Variants in FOXRED1 observed in about 807,000 individuals in gnomAD.
FOXRED1 encodes FAD dependent oxidoreductase domain containing 1.
A neutral mutation model predicts 57.8 loss-of-function variants in FOXRED1; 52 were observed. The ratio of observed to expected loss-of-function variants is 0.90; its 90% CI spans 0.72 to 1.13. FOXRED1 has a LOEUF of 1.13. FOXRED1 is among the 50% of genes most tolerant of loss of function. The pLI, the probability that FOXRED1 is intolerant of heterozygous loss-of-function variation, is 0.00. For missense variants in FOXRED1, 589 were observed against 625.2 expected (o/e 0.94, Z 0.62); for synonymous variants, 271 against 248.3 (o/e 1.09, Z -0.86).
Position 126,274,927 on chromosome 11 carries a change from G to T in FOXRED1, c.537G>T (p.Arg179Ser). 6.3e-7 allele frequency: 1 copy of T among 1,597,854 alleles called. No homozygotes were observed. Residue 179 changes from arginine to serine, a missense_variant and splice_region_variant, in exon 5 of 11, where the codon AGG becomes AGT. Coordinates refer to ENST00000263578, the MANE Select transcript of FOXRED1 (RefSeq NM_017547.4). This position sits in a 1 kb window ranked among gnomAD's most constrained non-coding sequence, Gnocchi z 4.8. ...AAMESNVKVQ[R>S]QEGAKVSLMS... ...ACACCGACCCACACGTTTATCTCAG[G>T]CAGGAGGGAGCCAAAGTTTCTCTGA...
chr11:126,274,642 A>G lies in FOXRED1; in HGVS notation c.537-285A>G, dbSNP rs1030930395. Reference sequence around the variant, plus strand: ...CAGCCTGGGTGACAGAGCCAGACTCATTGAAAAAAAAAAAAAGAAGTCATG... The same window carrying G: ...CAGCCTGGGTGACAGAGCCAGACTCGTTGAAAAAAAAAAAAAGAAGTCATG... On this transcript the variant is annotated intron_variant, in intron 4 of 10. Transcript: ENST00000263578. This position sits in a 1 kb window ranked among gnomAD's most constrained non-coding sequence, Gnocchi z 4.8. The G allele has an allele frequency of 7.4e-6, 3 of 403,950 alleles. No individual in the cohort carries two copies. Among genetic ancestry groups the G allele is most frequent in the Non-Finnish European group, 1.4e-5 (3 of 214,054 alleles). The allele number at this position is 403,950 out of a possible 1,614,324, so 25.0% of individuals were successfully genotyped here.
chr11:126,269,393 AGTG>A, intron 1 of FOXRED1, 102 bp downstream of exon 1: 1 of 1,601,990 alleles, frequency 6.2e-7, no homozygotes. Context: ...CTGGCAGGAC[AGTG>A]GGTCGGCTTG....
Position 126,277,838 on chromosome 11 carries a change from G to A in FOXRED1, c.*149G>A. The A allele has an allele frequency of 1.2e-6, 1 of 852,642 alleles. No homozygotes were observed. The highest frequency in any genetic ancestry group is 2.5e-5 in the East Asian group (1 of 39,894). The allele number at this position is 852,642 out of a possible 1,614,324, so 52.8% of individuals were successfully genotyped here. On this transcript the variant is annotated 3_prime_UTR_variant, in exon 11 of 11. Transcript: ENST00000263578. This position sits in a 1 kb window ranked among gnomAD's most constrained non-coding sequence, Gnocchi z 6.8. ...TCAGGCAGGCCATTGCACCCATATG[G>A]CTGGGCAGGCACAGGCAGTGAGGCC...
chr11:126,272,906 GCAGTATTCTAGTCA>G lies in FOXRED1; in HGVS notation c.307-60_307-47del. ...AGGTGTATAGCTCGAAGCTTTCATTGCAGTATTCTAGTCACATGTGATAGGGTACTGGTCTACCT... is the reference window on the plus strand; with the variant it reads ...AGGTGTATAGCTCGAAGCTTTCATTGCATGTGATAGGGTACTGGTCTACCT... On this transcript the variant is annotated intron_variant, in intron 2 of 10. Coordinates refer to ENST00000263578, the MANE Select transcript of FOXRED1 (RefSeq NM_017547.4). This position sits in a 1 kb window ranked among gnomAD's most constrained non-coding sequence, Gnocchi z 4.6. The G allele has an allele frequency of 1.2e-6, 1 of 844,876 alleles. No homozygotes were observed. Among genetic ancestry groups the G allele is most frequent in the Non-Finnish European group, 2.1e-6 (1 of 477,196 alleles). The allele number at this position is 844,876 out of a possible 1,614,324, so 52.3% of individuals were successfully genotyped here.
In FOXRED1 at chr11:126,271,763, C is replaced by A; in HGVS notation, c.306+106C>A. On this transcript the variant is annotated intron_variant, in intron 2 of 10. Coordinates refer to ENST00000263578, the MANE Select transcript of FOXRED1 (RefSeq NM_017547.4). This position sits in a 1 kb window ranked among gnomAD's most constrained non-coding sequence, Gnocchi z 5.3. ...GGAGAGGAGGGGAAGACCTCAATCT[C>A]GGAGGGTCCAACGGACAGAGATTGT... 1 of 922,468 alleles carries A rather than the reference C, an allele frequency of 1.1e-6. No individual in the cohort carries two copies. The highest frequency in any genetic ancestry group is 1.7e-6 in the Non-Finnish European group (1 of 575,338). The allele number at this position is 922,468 out of a possible 1,614,324, so 57.1% of individuals were successfully genotyped here. A position where few individuals can be genotyped will look rare whatever the true frequency, so the allele number is the denominator to read the frequency against.
rs748256274 is a variant in FOXRED1 at position 126,275,494 on chromosome 11, T to G, written c.733+66T>G. ...CCTAGACTAGGTCTTATCTTCTCACTCACAAGCTAAGCAAGGGCTGGAGGG... is the reference window on the plus strand; with the variant it reads ...CCTAGACTAGGTCTTATCTTCTCACGCACAAGCTAAGCAAGGGCTGGAGGG... On this transcript the variant is annotated intron_variant, in intron 6 of 10. Transcript: ENST00000263578. The surrounding 1 kb of genome is among the most constrained non-coding windows in gnomAD (Gnocchi z 5.9). 1 of 1,189,614 alleles carries G rather than the reference T, an allele frequency of 8.4e-7. No individual in the cohort carries two copies. The highest frequency in any genetic ancestry group is 1.3e-6 in the Non-Finnish European group (1 of 793,564). 73.7% of individuals were successfully genotyped at this position (1,189,614 alleles called of 1,614,324 possible). A position where few individuals can be genotyped will look rare whatever the true frequency, so the allele number is the denominator to read the frequency against.
In FOXRED1 at chr11:126,271,496, T is replaced by G; in HGVS notation, c.145T>G (p.Ser49Ala). ...GATCAAGTCGATCCTGCCTGGAAGG[T>G]CCTGTGATCTACTGCAAGACACCAG... ...KKIKSILPGR[S>A]CDLLQDTSHL... The change falls in exon 2 of 11, where the codon TCC becomes GCC. Residue 49 changes from serine to alanine, a missense_variant. Transcript: ENST00000263578. The surrounding 1 kb of genome is among the most constrained non-coding windows in gnomAD (Gnocchi z 5.3). 1 of 1,614,144 alleles carries G rather than the reference T, an allele frequency of 6.2e-7. No individual in the cohort carries two copies. Among genetic ancestry groups the G allele is most frequent in the Non-Finnish European group, 8.5e-7 (1 of 1,179,986 alleles).
rs58199526 is a variant in FOXRED1, at chr11:126,269,986, C to CAA, written c.85+717_85+718dup. Among the ~76,000 whole-genome samples, 548 of 70,388 alleles carry CAA rather than the reference C, an allele frequency of 7.8e-3. 9 individuals are homozygous for CAA. Among genetic ancestry groups the CAA allele is most frequent in the East Asian group, 0.015 (36 of 2,480 alleles). 46.2% of individuals were successfully genotyped at this position (70,388 alleles called of 152,430 possible). A position where few individuals can be genotyped will look rare whatever the true frequency, so the allele number is the denominator to read the frequency against. Reference sequence around the variant, plus strand: ...TGGGCGACTTAGCGAAACTCCGTCTCAAAAAAAAAAAAAAAAAAAAAAAGA... The same window carrying CAA: ...TGGGCGACTTAGCGAAACTCCGTCTCAAAAAAAAAAAAAAAAAAAAAAAAAGA... On this transcript the variant is annotated intron_variant, in intron 1 of 10. Transcript: ENST00000263578.
Position 126,271,506 on chromosome 11 carries a change from T to C in FOXRED1, c.155T>C (p.Leu52Pro), listed in dbSNP as rs1950984834. 1.9e-6 allele frequency: 3 copies of C among 1,614,122 alleles called. No individual in the cohort carries two copies. The highest frequency in any genetic ancestry group is 1.7e-5 in the Admixed American group (1 of 60,002). ...ATCCTGCCTGGAAGGTCCTGTGATC[T>C]ACTGCAAGACACCAGCCACCTGCCT... is the stretch of plus-strand genomic sequence containing the variant. ...KSILPGRSCD[L>P]LQDTSHLPPE... Residue 52 changes from leucine (L) to proline (P), a missense_variant, in exon 2 of 11, where the codon CTA becomes CCA. Transcript: ENST00000263578. The surrounding 1 kb of genome is among the most constrained non-coding windows in gnomAD (Gnocchi z 5.3).
Position 126,277,224 on chromosome 11 carries a change from G to A in FOXRED1, c.1206+49G>A. 3 of 1,306,760 alleles carry A rather than the reference G, an allele frequency of 2.3e-6. No individual in the cohort carries two copies. The highest frequency in any genetic ancestry group is 3.3e-6 in the Non-Finnish European group (3 of 901,050). 80.9% of individuals were successfully genotyped at this position (1,306,760 alleles called of 1,614,324 possible). A position where few individuals can be genotyped will look rare whatever the true frequency, so the allele number is the denominator to read the frequency against. On this transcript the variant is annotated intron_variant, in intron 10 of 10. Coordinates refer to ENST00000263578, the MANE Select transcript of FOXRED1 (RefSeq NM_017547.4). The surrounding 1 kb of genome is among the most constrained non-coding windows in gnomAD (Gnocchi z 6.8). ...CTTTTTATTTTTGGACATTGGATGGGACAGATGACAGTGGAGCACATTGGT... is the reference window on the plus strand; with the variant it reads ...CTTTTTATTTTTGGACATTGGATGGAACAGATGACAGTGGAGCACATTGGT...
chr11:126,277,472 C>A lies in FOXRED1; in HGVS notation c.1244C>A (p.Thr415Asn). The change falls in exon 11 of 11, where the codon ACC (threonine) becomes AAC (asparagine). Residue 415 changes from threonine (T) to asparagine (N), a missense_variant. Thr to Asn is a moderately conservative substitution (Grantham distance 65). Transcript: ENST00000263578. This position sits in a 1 kb window ranked among gnomAD's most constrained non-coding sequence, Gnocchi z 6.8. ...SAWAGYYDYN[T>N]FDQNGVVGPH... ...TGGGCCGGCTATTACGACTACAACA[C>A]CTTTGACCAGAATGGCGTGGTGGGC... 2 of 1,613,484 alleles carry A rather than the reference C, an allele frequency of 1.2e-6. No homozygotes were observed. Among genetic ancestry groups the A allele is most frequent in the Non-Finnish European group, 1.7e-6 (2 of 1,180,022 alleles).
At position 126,275,067 on chromosome 11, in the gene FOXRED1, G is replaced by C; in HGVS notation, c.631+46G>C. On this transcript the variant is annotated intron_variant, in intron 5 of 10. Coordinates refer to ENST00000263578, the MANE Select transcript of FOXRED1 (RefSeq NM_017547.4). This position sits in a 1 kb window ranked among gnomAD's most constrained non-coding sequence, Gnocchi z 5.9. The stretch of plus-strand genomic sequence containing the variant: ...GGACAGCTTTTTTCCTGAAGATGGA[G>C]ACTAAGGGGTGCTACACGTTGGGAG... 2 of 1,271,762 alleles carry C rather than the reference G, an allele frequency of 1.6e-6. No homozygotes were observed. The highest frequency in any genetic ancestry group is 2.3e-6 in the Non-Finnish European group (2 of 867,762). 78.8% of individuals were successfully genotyped at this position (1,271,762 alleles called of 1,614,324 possible). A position where few individuals can be genotyped will look rare whatever the true frequency, so the allele number is the denominator to read the frequency against.
chr11:126,274,632 A>G lies in FOXRED1; in HGVS notation c.537-295A>G. Reference sequence around the variant, plus strand: ...CACTGCACTCCAGCCTGGGTGACAGAGCCAGACTCATTGAAAAAAAAAAAA... The same window carrying G: ...CACTGCACTCCAGCCTGGGTGACAGGGCCAGACTCATTGAAAAAAAAAAAA... On this transcript the variant is annotated intron_variant, in intron 4 of 10. Transcript: ENST00000263578. This position sits in a 1 kb window ranked among gnomAD's most constrained non-coding sequence, Gnocchi z 4.8. The G allele has an allele frequency of 2.6e-6, 1 of 388,210 alleles. No individual in the cohort carries two copies. Among genetic ancestry groups the G allele is most frequent in the South Asian group, 2.1e-5 (1 of 46,548 alleles). 24.0% of individuals were successfully genotyped at this position (388,210 alleles called of 1,614,324 possible). A position where few individuals can be genotyped will look rare whatever the true frequency, so the allele number is the denominator to read the frequency against.
At chr11:126,269,406 G>A in intron 1 of FOXRED1, 115 bp downstream of exon 1, 1 of 1,582,474 alleles carries the variant, frequency 6.3e-7, no homozygotes, top group Non-Finnish European at 8.6e-7. Flanking sequence ...GGGTCGGCTT[G>A]GGGAAGGGGG....
In FOXRED1 at chr11:126,272,921, C is replaced by T. The variant is rs1169129751; in HGVS notation, c.307-48C>T. The T allele has an allele frequency of 5.5e-6, 5 of 905,302 alleles. No individual in the cohort carries two copies. The highest frequency in any genetic ancestry group is 1.6e-5 in the African/African-American group (1 of 61,702). The allele number at this position is 905,302 out of a possible 1,614,324, so 56.1% of individuals were successfully genotyped here. On this transcript the variant is annotated intron_variant, in intron 2 of 10. Coordinates refer to ENST00000263578, the MANE Select transcript of FOXRED1 (RefSeq NM_017547.4). The surrounding 1 kb of genome is among the most constrained non-coding windows in gnomAD (Gnocchi z 4.6). Reference sequence around the variant, plus strand: ...AGCTTTCATTGCAGTATTCTAGTCACATGTGATAGGGTACTGGTCTACCTC... The same window carrying T: ...AGCTTTCATTGCAGTATTCTAGTCATATGTGATAGGGTACTGGTCTACCTC...
In FOXRED1 at chr11:126,275,233, A is replaced by T; in HGVS notation, c.632-94A>T. The T allele has an allele frequency of 9.9e-7, 1 of 1,012,626 alleles. No homozygotes were observed. 62.7% of individuals were successfully genotyped at this position (1,012,626 alleles called of 1,614,324 possible). ...TGGTTAAGATGACCTTCCCCGGCTTACAAGCCCTAGAGAGGGGTTGGGGGG... is the reference window on the plus strand; with the variant it reads ...TGGTTAAGATGACCTTCCCCGGCTTTCAAGCCCTAGAGAGGGGTTGGGGGG... On this transcript the variant is annotated intron_variant, in intron 5 of 10. Transcript: ENST00000263578. The surrounding 1 kb of genome is among the most constrained non-coding windows in gnomAD (Gnocchi z 5.9).
Position 126,275,140 on chromosome 11 carries a change from G to T in FOXRED1, c.631+119G>T. ...TGAAGGAGGAACACTTCCCTCCTGT[G>T]TCACGGGAACTGCCCTGGGCCGTGG... On this transcript the variant is annotated intron_variant, in intron 5 of 10. Coordinates refer to ENST00000263578, the MANE Select transcript of FOXRED1 (RefSeq NM_017547.4). The surrounding 1 kb of genome is among the most constrained non-coding windows in gnomAD (Gnocchi z 5.9). 1 of 832,250 alleles carries T rather than the reference G, an allele frequency of 1.2e-6. No individual in the cohort carries two copies. Among genetic ancestry groups the T allele is most frequent in the Non-Finnish European group, 2.1e-6 (1 of 486,060 alleles). 51.6% of individuals were successfully genotyped at this position (832,250 alleles called of 1,614,324 possible).
rs1951046310 is a variant in FOXRED1 at position 126,273,411 on chromosome 11, G to GA, written c.497dup (p.Asp167GlyfsTer25). 2.5e-6 allele frequency: 4 copies of GA among 1,613,860 alleles called. No homozygotes were observed. The highest frequency in any genetic ancestry group is 1.7e-5 in the Admixed American group (1 of 60,012). ...CTCGGGCTACCTCTTGCTGGCTTCA[G>GA]AAAAGGATGCTGCAGCCATGGAGAG... On this transcript the variant is annotated frameshift_variant, in exon 4 of 11. Transcript: ENST00000263578. LOFTEE classifies it high-confidence loss of function. This position sits in a 1 kb window ranked among gnomAD's most constrained non-coding sequence, Gnocchi z 5.9.
chr11:126,271,567 G>A lies in FOXRED1; in HGVS notation c.216G>A (p.Gly72=), dbSNP rs1478797657. ...CGGATGTGGTGATCGTGGGAGGTGG[G>A]GTGCTTGGCTTGTCTGTGGCCTATT... ...EHSDVVIVGG[G]VLGLSVAYWL... Residue 72 remains glycine, a synonymous_variant, in exon 2 of 11, where the codon GGG becomes GGA. Transcript: ENST00000263578. The surrounding 1 kb of genome is among the most constrained non-coding windows in gnomAD (Gnocchi z 5.3). 2.6e-5 allele frequency: 42 copies of A among 1,614,230 alleles called. No homozygotes were observed. The highest frequency in any genetic ancestry group is 3.5e-5 in the Non-Finnish European group (41 of 1,180,034).
Sources: gnomAD v4.1 joint callset for allele counts (sites outside exome capture counted in the v4.1 genomes callset) on GRCh38, gnomAD v4.1.1 for gene constraint, Gnocchi (gnomAD v3.1) non-coding constraint, MANE v1.5 for transcripts, NCBI Gene and HGNC (gene_info 2026-07-23, HGNC 2026-07-21) for gene names.